The following VSNL1 variants were observed in gnomAD, a reference collection of about 807,000 sequenced individuals.
VSNL1 encodes the protein visinin-like protein 1.
VSNL1 carries 6 observed loss-of-function variants against 20.4 expected under a neutral mutation model. That is an observed-to-expected ratio of 0.29 (90% CI 0.16 to 0.58). The LOEUF is 0.58. Among genes scored for constraint, VSNL1 ranks in the 20% least tolerant of loss-of-function variants. The pLI, the probability that VSNL1 is intolerant of heterozygous loss-of-function variation, is 0.90. For synonymous variants in VSNL1, 93 were observed against 86.4 expected (o/e 1.08, Z -0.42); for missense variants, 100 against 234.5 (o/e 0.43, Z 3.75).
At chr2:17,592,650 T>C (rs745425902) in intron 2 of VSNL1, among the ~76,000 whole-genome samples, 13,356 of 30,222 alleles carry the variant, frequency 0.44, 1,855 homozygotes, top group Non-Finnish European at 0.5. Context: ...CTTTTTTTTT[T>C]TTTTTTTTTT....
intron 2 of VSNL1, among the ~76,000 whole-genome samples, chr2:17,645,780 C>T (rs1302928801): frequency 2.0e-5 from 3 of 152,188 alleles, no homozygotes; most frequent in Non-Finnish European, 2.9e-5. Flanking sequence ...GAAAAGACCT[C>T]AAGTGTTTCC....
Position 17,655,466 on chromosome 2 carries a change from C to T in VSNL1, c.*72C>T. ...CAGTCTGCAGCTATTCACACACACACACACACACACACACACACACACACA... is the reference window on the plus strand; with the variant it reads ...CAGTCTGCAGCTATTCACACACACATACACACACACACACACACACACACA... On this transcript the variant is annotated 3_prime_UTR_variant, in exon 4 of 4. Transcript: ENST00000295156. This position sits in a 1 kb window ranked among gnomAD's most constrained non-coding sequence, Gnocchi z 5.2. The T allele has an allele frequency of 4.5e-6, 4 of 887,830 alleles. No homozygotes were observed. The highest frequency in any genetic ancestry group is 6.8e-6 in the Non-Finnish European group (4 of 589,620). 55.0% of individuals were successfully genotyped at this position (887,830 alleles called of 1,614,324 possible). A position where few individuals can be genotyped will look rare whatever the true frequency, so the allele number is the denominator to read the frequency against.
chr2:17,595,380 A>G (rs1408937768), intron 2 of VSNL1, among the ~76,000 whole-genome samples: 2 of 152,218 alleles, frequency 1.3e-5, no homozygotes, highest in Non-Finnish European at 2.9e-5. Context: ...GATTCACCAC[A>G]ATGTAATGTG....
At chr2:17,593,538 C>G (rs1220540771) in intron 2 of VSNL1, among the ~76,000 whole-genome samples, 1 of 152,054 alleles carries the variant, frequency 6.6e-6, no homozygotes, top group African/African-American at 2.4e-5. Context: ...GTGGGGAAGA[C>G]CAAGGGATGA....
intron 2 of VSNL1, among the ~76,000 whole-genome samples, chr2:17,641,791 T>C (rs374956358): frequency 8.6e-4 from 131 of 152,204 alleles, no homozygotes; most frequent in African/African-American, 2.7e-3. Flanking sequence ...TGTATAGACA[T>C]AGACTTATGC....
intron 1 of VSNL1, among the ~76,000 whole-genome samples, chr2:17,578,226 G>C (rs1418944992): frequency 6.6e-6 from 1 of 152,164 alleles, no homozygotes; most frequent in Non-Finnish European, 1.5e-5. Context: ...ATCTCACCTT[G>C]TTTGTCTAAT....
intron 1 of VSNL1, among the ~76,000 whole-genome samples, chr2:17,547,776 C>A (rs1663435392): frequency 6.6e-6 from 1 of 151,920 alleles, no homozygotes; most frequent in South Asian, 2.1e-4. Context: ...ATAATTGAGT[C>A]CAGAATATGG....
chr2:17,647,865 C>G (rs187228507), intron 2 of VSNL1, among the ~76,000 whole-genome samples: 5 of 151,910 alleles, frequency 3.3e-5, no homozygotes, highest in African/African-American at 1.2e-4. Flanking sequence ...AAGACGAGGC[C>G]CGACATGAAT....
intron 1 of VSNL1, among the ~76,000 whole-genome samples, chr2:17,579,436 A>G (rs1422222089): frequency 6.6e-6 from 1 of 152,254 alleles, no homozygotes; most frequent in South Asian, 2.1e-4. Flanking sequence ...TTCTTTCTAT[A>G]TAGTCTAGGT....
At position 17,655,546 on chromosome 2, in the gene VSNL1, G is replaced by C. The variant is rs187522903; in HGVS notation, c.*152G>C. 44 of 705,538 alleles carry C rather than the reference G, an allele frequency of 6.2e-5. No individual in the cohort carries two copies. The East Asian group carries it at 1.2e-3, about 19-fold the overall frequency. 43.7% of individuals were successfully genotyped at this position (705,538 alleles called of 1,614,324 possible). A position where few individuals can be genotyped will look rare whatever the true frequency, so the allele number is the denominator to read the frequency against. On this transcript the variant is annotated 3_prime_UTR_variant, in exon 4 of 4. Transcript: ENST00000295156. The surrounding 1 kb of genome is among the most constrained non-coding windows in gnomAD (Gnocchi z 5.2). Reference sequence around the variant, plus strand: ...ATAAATGGACTTGCTTCTTGTGTTTGAAACACTCGTGTGCATGAGAATGTC... The same window carrying C: ...ATAAATGGACTTGCTTCTTGTGTTTCAAACACTCGTGTGCATGAGAATGTC...
intron 1 of VSNL1, among the ~76,000 whole-genome samples, chr2:17,591,679 C>A (rs1664596219): frequency 6.6e-6 from 1 of 151,942 alleles, no homozygotes; most frequent in Non-Finnish European, 1.5e-5. Flanking sequence ...ACTGAGTATC[C>A]CATTAAACTA....
At chr2:17,643,775 A>AC (rs1361429405) in intron 2 of VSNL1, among the ~76,000 whole-genome samples, 5 of 152,210 alleles carry the variant, frequency 3.3e-5, no homozygotes, top group African/African-American at 1.2e-4. Context: ...TAAAGAAGGA[A>AC]CAGGGGTTCA....
At chr2:17,596,352 AC>A (rs1412645960) in intron 2 of VSNL1, among the ~76,000 whole-genome samples, 4 of 152,182 alleles carry the variant, frequency 2.6e-5, no homozygotes, top group African/African-American at 7.2e-5. Context: ...GTACCTGATC[AC>A]CCCCCAAGGG....
intron 2 of VSNL1, among the ~76,000 whole-genome samples, chr2:17,603,419 C>T (rs1481892341): frequency 2.0e-5 from 3 of 152,196 alleles, no homozygotes; most frequent in African/African-American, 7.2e-5. Context: ...AGGGTTGCAC[C>T]TAGTCCCCTC....
chr2:17,574,297 G>A (rs991622691), intron 1 of VSNL1, among the ~76,000 whole-genome samples: 1 of 151,420 alleles, frequency 6.6e-6, no homozygotes, highest in South Asian at 2.1e-4. Flanking sequence ...GATTATATAT[G>A]GGCCAAAATA....
chr2:17,637,317 T>C (rs1665775567), intron 2 of VSNL1, among the ~76,000 whole-genome samples: 1 of 152,170 alleles, frequency 6.6e-6, no homozygotes, highest in Non-Finnish European at 1.5e-5. Flanking sequence ...TGACATCTAA[T>C]ACATACACCA....
Position 17,621,880 on chromosome 2 carries a change from C to T in VSNL1, c.163-27530C>T, listed in dbSNP as rs1367270747. Among the ~76,000 whole-genome samples the T allele has an allele frequency of 2.6e-5, 4 of 152,156 alleles. No homozygotes were observed. The East Asian group carries it at 7.7e-4, about 29-fold the overall frequency. Reference sequence around the variant, plus strand: ...GTATGGTACTCTGATCCTCCAGCCTCAGCCTCCCAAAGCAATGAGATTATA... The same window carrying T: ...GTATGGTACTCTGATCCTCCAGCCTTAGCCTCCCAAAGCAATGAGATTATA... On this transcript the variant is annotated intron_variant, in intron 2 of 3. Transcript: ENST00000295156.
chr2:17,622,051 C>T (rs1267086882), intron 2 of VSNL1, among the ~76,000 whole-genome samples: 2 of 152,072 alleles, frequency 1.3e-5, no homozygotes, highest in African/African-American at 4.8e-5. Context: ...CTCATGTCCT[C>T]ATTCTCCTCA....
At chr2:17,563,896 T>C (rs1184209523) in intron 1 of VSNL1, among the ~76,000 whole-genome samples, 1 of 152,204 alleles carries the variant, frequency 6.6e-6, no homozygotes, top group Non-Finnish European at 1.5e-5. Flanking sequence ...GTTCTTTTTT[T>C]GTTTTGTTTT....
Sources: gnomAD v4.1 joint callset for allele counts (sites outside exome capture counted in the v4.1 genomes callset) on GRCh38, gnomAD v4.1.1 for gene constraint, Gnocchi (gnomAD v3.1) non-coding constraint, MANE v1.5 for transcripts, NCBI Gene and HGNC (gene_info 2026-07-23, HGNC 2026-07-21) for gene names.